RUNDC3B: variants seen among roughly 807,000 people sequenced by gnomAD.
RUNDC3B encodes the protein RUN domain containing 3B, also known as RUN domain-containing protein 3B.
Under a neutral mutation model 58.4 loss-of-function variants are expected in RUNDC3B, and 33 were observed. That is an observed-to-expected ratio of 0.56 (90% CI 0.43 to 0.75). The LOEUF is 0.75. Ranked by LOEUF, RUNDC3B falls within the 30% of genes least tolerant of loss-of-function variation. RUNDC3B has a pLI of 0.00. For missense variants in RUNDC3B, 501 were observed against 535.7 expected (o/e 0.94, Z 0.64); for synonymous variants, 193 against 195.2 (o/e 0.99, Z 0.10).
intron 10 of RUNDC3B, among the ~76,000 whole-genome samples, chr7:87,819,857 A>G (rs1837313220): frequency 6.6e-6 from 1 of 152,218 alleles, no homozygotes; most frequent in Admixed American, 6.5e-5. Flanking sequence ...AAGACCCAAC[A>G]TACCAGAATC....
At chr7:87,758,225 G>C (rs1198273892) in intron 6 of RUNDC3B, among the ~76,000 whole-genome samples, 1 of 152,164 alleles carries the variant, frequency 6.6e-6, no homozygotes, top group Non-Finnish European at 1.5e-5. Flanking sequence ...GGAAGGCCAA[G>C]GTGGGAGAAT....
At chr7:87,741,327 G>A (rs967655237) in intron 5 of RUNDC3B, among the ~76,000 whole-genome samples, 172 bp from the exon 6 acceptor site, 1 of 152,018 alleles carries the variant, frequency 6.6e-6, no homozygotes, top group East Asian at 1.9e-4. Flanking sequence ...ATTGAAGGTA[G>A]AATATTTTAT....
chr7:87,816,863 A>G (rs1023553692), intron 10 of RUNDC3B, among the ~76,000 whole-genome samples: 3 of 152,054 alleles, frequency 2.0e-5, no homozygotes, highest in African/African-American at 7.2e-5. Context: ...AGTTTCTAAG[A>G]CTCAACCTAT....
At chr7:87,769,653 T>C (rs2130867761) in intron 6 of RUNDC3B, among the ~76,000 whole-genome samples, 1 of 152,290 alleles carries the variant, frequency 6.6e-6, no homozygotes, top group South Asian at 2.1e-4. Flanking sequence ...TTTTTTATTA[T>C]ACTTTAAGTT....
At chr7:87,634,323 A>C (rs1821526034) in intron 1 of RUNDC3B, among the ~76,000 whole-genome samples, 1 of 152,164 alleles carries the variant, frequency 6.6e-6, no homozygotes, top group African/African-American at 2.4e-5. Flanking sequence ...AATCCTTTAA[A>C]GAACTTTAAA....
Position 87,650,873 on chromosome 7 carries a change from T to G in RUNDC3B, c.174T>G (p.Asp58Glu), listed in dbSNP as rs780988022. The change falls in exon 2 of 11, where the codon GAT becomes GAG. Residue 58 changes from aspartate to glutamate, a missense_variant. Physicochemically the swap from Asp to Glu is conservative, Grantham distance 45. Coordinates refer to ENST00000394654, the MANE Select transcript of RUNDC3B (RefSeq NM_001134405.2). ...GGTCTTGCTTTGAGACAATTGATGA[T>G]TCTTCTCCTGAATTTAACAATTTTG... ...IDRSCFETID[D>E]SSPEFNNFAA... 6.2e-7 allele frequency: 1 copy of G among 1,613,332 alleles called. No homozygotes were observed. The highest frequency in any genetic ancestry group is 2.2e-5 in the East Asian group (1 of 44,818).
chr7:87,658,201 A>C (rs1436764307), intron 2 of RUNDC3B, among the ~76,000 whole-genome samples: 1 of 152,218 alleles, frequency 6.6e-6, no homozygotes, highest in Non-Finnish European at 1.5e-5. Flanking sequence ...AAGAAATGGA[A>C]GATACAAAGA....
chr7:87,733,304 C>T (rs572088214), intron 4 of RUNDC3B, among the ~76,000 whole-genome samples: 1 of 152,310 alleles, frequency 6.6e-6, no homozygotes, highest in East Asian at 1.9e-4. Flanking sequence ...TTGGCTCGTT[C>T]TGGCAGTCCA....
intron 2 of RUNDC3B, among the ~76,000 whole-genome samples, chr7:87,655,105 G>A (rs1432611855): frequency 6.6e-6 from 1 of 152,078 alleles, no homozygotes; most frequent in African/African-American, 2.4e-5. Flanking sequence ...AGCCATTACA[G>A]AAAACATTAT....
chr7:87,691,259 T>C (rs1216815424), intron 2 of RUNDC3B, among the ~76,000 whole-genome samples: 2 of 152,156 alleles, frequency 1.3e-5, no homozygotes, highest in Non-Finnish European at 2.9e-5. Context: ...AAGTACATAC[T>C]TCTTGGGTCA....
chr7:87,654,177 T>C (rs1488533285), intron 2 of RUNDC3B, among the ~76,000 whole-genome samples: 1 of 151,946 alleles, frequency 6.6e-6, no homozygotes, highest in African/African-American at 2.4e-5. Context: ...ATCTACAGGT[T>C]CACTGAAATC....
chr7:87,664,267 A>G (rs1825009160), intron 2 of RUNDC3B, among the ~76,000 whole-genome samples: 1 of 152,162 alleles, frequency 6.6e-6, no homozygotes, highest in Non-Finnish European at 1.5e-5. Context: ...TCAAGGCTGT[A>G]GTACACTATT....
intron 2 of RUNDC3B, among the ~76,000 whole-genome samples, chr7:87,672,833 T>C (rs775672202): frequency 6.6e-6 from 1 of 152,136 alleles, no homozygotes; most frequent in Non-Finnish European, 1.5e-5. Context: ...TACTCCTGGG[T>C]GGGCTGTTGT....
At chr7:87,724,320 C>A (rs1281958629) in intron 4 of RUNDC3B, among the ~76,000 whole-genome samples, 1 of 152,020 alleles carries the variant, frequency 6.6e-6, no homozygotes, top group Non-Finnish European at 1.5e-5. Flanking sequence ...TAATGCTATG[C>A]TAAAAGCAGG....
chr7:87,664,174 A>C (rs1026147926), intron 2 of RUNDC3B, among the ~76,000 whole-genome samples: 1 of 152,050 alleles, frequency 6.6e-6, no homozygotes, highest in African/African-American at 2.4e-5. Flanking sequence ...AAAAATATAC[A>C]GGGTAGCCAG....
chr7:87,795,094 A>G (rs1446639790), intron 8 of RUNDC3B, among the ~76,000 whole-genome samples: 1 of 152,214 alleles, frequency 6.6e-6, no homozygotes, highest in Non-Finnish European at 1.5e-5. Flanking sequence ...AGTGTCCCAC[A>G]AGCATAGGCA....
At position 87,752,877 on chromosome 7, in the gene RUNDC3B, C is replaced by G. The variant is rs544501521; in HGVS notation, c.629+11298C>G. Among the ~76,000 whole-genome samples, 620 of 151,822 alleles carry G rather than the reference C, an allele frequency of 4.1e-3. 2 individuals carry two copies. The highest frequency in any genetic ancestry group is 7.4e-3 in the Admixed American group (113 of 15,228). On this transcript the variant is annotated intron_variant, in intron 6 of 10. Coordinates refer to ENST00000394654, the MANE Select transcript of RUNDC3B (RefSeq NM_001134405.2). ...GAGTTTTTTGTGTCTCTATTTCCTT[C>G]AGTTCTGCTCTGATTTTAGTTATTT...
At chr7:87,766,147 C>A (rs757552783) in intron 6 of RUNDC3B, among the ~76,000 whole-genome samples, 38 of 152,072 alleles carry the variant, frequency 2.5e-4, no homozygotes, top group Non-Finnish European at 4.3e-4. Flanking sequence ...CATGATACAT[C>A]TTTTTCAAAC....
chr7:87,717,175 A>G (rs1830595191), intron 4 of RUNDC3B, among the ~76,000 whole-genome samples: 1 of 152,188 alleles, frequency 6.6e-6, no homozygotes, highest in African/African-American at 2.4e-5. Flanking sequence ...GTGTTTTTTA[A>G]TAAAAATCAT....
Sources: gnomAD v4.1 joint callset for allele counts (sites outside exome capture counted in the v4.1 genomes callset) on GRCh38, gnomAD v4.1.1 for gene constraint, MANE v1.5 for transcripts, NCBI Gene and HGNC (gene_info 2026-07-23, HGNC 2026-07-21) for gene names.